PEPD: variants seen among roughly 807,000 people sequenced by gnomAD.
The protein encoded by PEPD is peptidase D.
A neutral mutation model predicts 60.7 loss-of-function variants in PEPD; 53 were observed. That is an observed-to-expected ratio of 0.87 (90% CI 0.70 to 1.10). PEPD has a LOEUF of 1.10. Ranked by LOEUF, PEPD falls within the 50% of genes least tolerant of loss-of-function variation. PEPD has a pLI of 0.00. For synonymous variants in PEPD, 267 were observed against 284.1 expected, an observed-to-expected ratio of 0.94 and a Z score of 0.60; for missense variants, 711 against 711.9, an observed-to-expected ratio of 1.00 and a Z score of 0.01.
intron 3 of PEPD, among the ~76,000 whole-genome samples, chr19:33,508,389 A>C (rs1283413635): frequency 6.6e-6 from 1 of 152,208 alleles, no homozygotes; most frequent in Non-Finnish European, 1.5e-5. Flanking sequence ...TGCAGAAAGC[A>C]GACCTAAACT....
At chr19:33,403,564 G>A (rs946422167) in intron 11 of PEPD, among the ~76,000 whole-genome samples, 1 of 152,204 alleles carries the variant, frequency 6.6e-6, no homozygotes, top group African/African-American at 2.4e-5. Context: ...CCTGTGGGGG[G>A]TCCTGTCCCA....
At chr19:33,418,476 C>T (rs1393212935) in intron 9 of PEPD, among the ~76,000 whole-genome samples, 1 of 152,200 alleles carries the variant, frequency 6.6e-6, no homozygotes, top group Non-Finnish European at 1.5e-5. Flanking sequence ...TTGCATGGAA[C>T]CAGAAGCACG....
intron 4 of PEPD, among the ~76,000 whole-genome samples, chr19:33,495,311 G>C (rs2145326062): frequency 6.6e-6 from 1 of 151,048 alleles, no homozygotes; most frequent in East Asian, 2.0e-4. Flanking sequence ...TTCGAGACCA[G>C]CCTGGCCAAA....
chr19:33,519,223 C>T (rs1971084352), intron 1 of PEPD, among the ~76,000 whole-genome samples: 1 of 152,166 alleles, frequency 6.6e-6, no homozygotes, highest in South Asian at 2.1e-4. Flanking sequence ...CCCAGGCTAG[C>T]AAGAGAAAGT....
chr19:33,429,865 C>A (rs1223051568), intron 9 of PEPD, among the ~76,000 whole-genome samples: 1 of 152,180 alleles, frequency 6.6e-6, no homozygotes, highest in African/African-American at 2.4e-5. Context: ...GAAATACTTA[C>A]AAGAGAAGTT....
In PEPD at chr19:33,512,651, A is replaced by G. The variant is rs985688311; in HGVS notation, c.143T>C (p.Leu48Pro). The change falls in exon 2 of 15, where the codon CTG (leucine) becomes CCG (proline). Residue 48 changes from leucine (L) to proline (P), a missense_variant. Transcript: ENST00000244137. ...GCGCTGAGTCTCCTCCCCGCCCTGC[A>G]GGACCACGATGGAGCCGGCCTGCAC... ...PAVQAGSIVV[L>P]QGGEETQRYC... 1.2e-6 allele frequency: 2 copies of G among 1,613,886 alleles called. No homozygotes were observed. The highest frequency in any genetic ancestry group is 2.7e-5 in the African/African-American group (2 of 74,944).
intron 4 of PEPD, among the ~76,000 whole-genome samples, chr19:33,497,224 G>A (rs777964649): frequency 1.3e-5 from 2 of 152,224 alleles, no homozygotes; most frequent in East Asian, 1.9e-4. Context: ...CATCGCTTCC[G>A]ATGCCTGTCC....
intron 5 of PEPD, among the ~76,000 whole-genome samples, chr19:33,491,220 C>T (rs1164569095): frequency 1.3e-5 from 2 of 151,836 alleles, no homozygotes; most frequent in African/African-American, 2.4e-5. Flanking sequence ...TTTGGGAGGC[C>T]GAGGTGGGCA....
At chr19:33,445,032 A>G (rs534688687) in intron 9 of PEPD, among the ~76,000 whole-genome samples, 2 of 152,350 alleles carry the variant, frequency 1.3e-5, no homozygotes, top group East Asian at 3.9e-4. Context: ...CTCCAGGACC[A>G]ACGCCAAGGT....
chr19:33,500,870 G>A, intron 4 of PEPD, 68 bp downstream of exon 4: 2 of 895,570 alleles, frequency 2.2e-6, no homozygotes, highest in East Asian at 2.4e-5. Flanking sequence ...AGTGGAAGGA[G>A]AGGAACTCCA....
At chr19:33,416,418 A>C (rs1039922426) in intron 9 of PEPD, among the ~76,000 whole-genome samples, 1 of 152,212 alleles carries the variant, frequency 6.6e-6, no homozygotes, top group Non-Finnish European at 1.5e-5. Context: ...AGCCAGCAAG[A>C]CAGGCAGGAG....
intron 9 of PEPD, among the ~76,000 whole-genome samples, chr19:33,442,707 T>C (rs1455199306): frequency 6.6e-6 from 1 of 151,850 alleles, no homozygotes; most frequent in Admixed American, 6.6e-5. Context: ...AGACTCCATC[T>C]CAATAAATAA....
chr19:33,435,601 C>G (rs1170823580), intron 9 of PEPD, among the ~76,000 whole-genome samples: 2 of 152,230 alleles, frequency 1.3e-5, no homozygotes, highest in African/African-American at 4.8e-5. Context: ...GTCCCTGGGC[C>G]CTGCAGCACG....
intron 9 of PEPD, among the ~76,000 whole-genome samples, chr19:33,425,096 G>A (rs1969112124): frequency 6.6e-6 from 1 of 152,114 alleles, no homozygotes; most frequent in Non-Finnish European, 1.5e-5. Flanking sequence ...GAGGCCAGGT[G>A]CAGTGGCTCA....
At chr19:33,440,096 G>A (rs539173835) in intron 9 of PEPD, among the ~76,000 whole-genome samples, 6 of 152,208 alleles carry the variant, frequency 3.9e-5, no homozygotes, top group Admixed American at 2.0e-4. Context: ...TGGGACCTGC[G>A]CAAGACGAGT....
intron 4 of PEPD, among the ~76,000 whole-genome samples, chr19:33,495,330 C>A (rs894364515): frequency 6.8e-6 from 1 of 146,206 alleles, no homozygotes; most frequent in Non-Finnish European, 1.5e-5. Context: ...AATGGTGAAA[C>A]CCCCATCTCT....
At chr19:33,390,414 TAATG>T (rs1436451256) in intron 13 of PEPD, among the ~76,000 whole-genome samples, 2 of 152,238 alleles carry the variant, frequency 1.3e-5, no homozygotes, top group African/African-American at 4.8e-5. Context: ...AATTGAATAA[TAATG>T]CTTCTCTTAA....
chr19:33,395,410 C>T (rs1315522997), intron 12 of PEPD, among the ~76,000 whole-genome samples: 2 of 152,172 alleles, frequency 1.3e-5, no homozygotes, highest in Admixed American at 1.3e-4. Context: ...CAGTGTTGTG[C>T]CCCATCCCCC....
intron 9 of PEPD, among the ~76,000 whole-genome samples, chr19:33,449,756 GCGGTGTC>G (rs34940240): frequency 0.53 from 80,614 of 151,358 alleles, 21,721 homozygotes; most frequent in African/African-American, 0.61. Flanking sequence ...ACCACCCCAG[GCGGTGTC>G]CCAATGTGCA....
Sources: allele counts gnomAD v4.1 joint callset (sites outside exome capture counted in the v4.1 genomes callset), GRCh38; gene constraint gnomAD v4.1.1; transcripts MANE v1.5; gene names NCBI Gene and HGNC (gene_info 2026-07-23, HGNC 2026-07-21).